PSG8: variants seen among roughly 807,000 people sequenced by gnomAD.
The protein encoded by PSG8 is pregnancy-specific beta-1-glycoprotein 8.
A neutral mutation model predicts 42.5 loss-of-function variants in PSG8; 57 were observed. That is an observed-to-expected ratio of 1.34 (90% CI 1.08 to 1.67). PSG8 has a LOEUF of 1.67. PSG8 is among the 40% of genes most tolerant of loss of function. PSG8 has a pLI of 0.00. For missense variants in PSG8, 783 were observed against 518.6 expected (o/e 1.51, Z -4.95); for synonymous variants, 280 against 196.8 (o/e 1.42, Z -3.54).
rs372083751 is a variant in PSG8 at position 42,755,039 on chromosome 19, T to G, written c.937A>C (p.Arg313=). The part of the protein sequence containing the change: ...NETGPYQCEI[R]DQYGGIRSYP... ...CTGCGGATGCCACCATATTGGTCCC[T>G]TATTTCACATTGATAGGGTCCTGTT... is the stretch of plus-strand genomic sequence containing the variant. Residue 313 remains arginine, a synonymous_variant, in exon 4 of 5, where the codon AGG becomes CGG. Coordinates refer to ENST00000306511, the MANE Select transcript of PSG8 (RefSeq NM_182707.3). 360 of 1,612,940 alleles carry G rather than the reference T, an allele frequency of 2.2e-4. 7 individuals are homozygous for G. Among genetic ancestry groups the G allele is most frequent in the Admixed American group, 5.3e-4 (32 of 59,982 alleles).
chr19:42,755,198 A>C lies in PSG8; in HGVS notation c.778T>G (p.Phe260Val), dbSNP rs894494535. The part of the protein sequence containing the change: ...KPRENKDVLN[F>V]TCEPKSENYT... ...TTCTCACTCTTAGGTTCACAGGTGA[A>C]GTTTAAGACATCCTTATTCTCCCTG... The change falls in exon 4 of 5, where the codon TTC (phenylalanine) becomes GTC (valine). Residue 260 changes from phenylalanine to valine, a missense_variant. Phe to Val is a conservative substitution (Grantham distance 50). Transcript: ENST00000306511. 1 of 1,611,824 alleles carries C rather than the reference A, an allele frequency of 6.2e-7. No homozygotes were observed. Among genetic ancestry groups the C allele is most frequent in the African/African-American group, 1.3e-5 (1 of 74,838 alleles).
intron 2 of PSG8, among the ~76,000 whole-genome samples, chr19:42,760,297 C>G (rs1970040620): frequency 1.3e-5 from 2 of 152,098 alleles, no homozygotes; most frequent in Non-Finnish European, 2.9e-5. Flanking sequence ...TCAGATAGCA[C>G]CCACCTGGCC....
In PSG8 at chr19:42,763,997, C is replaced by G. The variant is rs746544244; in HGVS notation, c.349G>C (p.Ala117Pro). Reference sequence around the variant, plus strand: ...ATGATGTGTAAGGTGTAGGATCCTGCGTCTTCCTGGGTGACATTCTGGATC... The same window carrying G: ...ATGATGTGTAAGGTGTAGGATCCTGGGTCTTCCTGGGTGACATTCTGGATC... ...LLIQNVTQED[A>P]GSYTLHIIMG... is the part of the protein sequence containing the mutation. Residue 117 changes from alanine (A) to proline (P), a missense_variant, in exon 2 of 5, where the codon GCA (alanine) becomes CCA (proline). Coordinates refer to ENST00000306511, the MANE Select transcript of PSG8 (RefSeq NM_182707.3). 6.2e-6 allele frequency: 10 copies of G among 1,611,160 alleles called. No homozygotes were observed. The highest frequency in any genetic ancestry group is 8.5e-6 in the Non-Finnish European group (10 of 1,178,954).
At chr19:42,755,333 A>T (rs1466917765) in intron 3 of PSG8, 67 bp from the exon 4 acceptor site, 5 of 1,581,934 alleles carry the variant, frequency 3.2e-6, no homozygotes, top group Admixed American at 3.5e-5. Flanking sequence ...GCATCCTTCA[A>T]TCAGAGTTGG....
chr19:42,765,422 C>T lies in PSG8; in HGVS notation c.64+96G>A, dbSNP rs188503558. ...CTGCCTCAGCCTCCCAAAGTGCTGG[C>T]TTCTTTCATTTTTTAGTACCCCATA... On this transcript the variant is annotated intron_variant, in intron 1 of 4. Coordinates refer to ENST00000306511, the MANE Select transcript of PSG8 (RefSeq NM_182707.3). 1.7e-4 allele frequency: 270 copies of T among 1,563,184 alleles called. 2 individuals carry two copies. In the African/African-American group the frequency reaches 3.5e-3, roughly 20 times the overall value.
chr19:42,758,171 C>T lies in PSG8; in HGVS notation c.540G>A (p.Trp180Ter). 1.2e-6 allele frequency: 2 copies of T among 1,614,022 alleles called. No individual in the cohort carries two copies. The highest frequency in any genetic ancestry group is 1.7e-5 in the Admixed American group (1 of 59,998). ...DPETPDASYL[W>*]WMNGQSLPMS... ...TAGGGAGGCTCTGACCATTCATCCA[C>T]CACAGGTAGCTTGCGTCCGGAGTCT... The change falls in exon 3 of 5, where the codon TGG becomes TGA. Residue 180 changes from tryptophan (W) to a stop codon, truncating the protein, a stop_gained. Coordinates refer to ENST00000306511, the MANE Select transcript of PSG8 (RefSeq NM_182707.3). LOFTEE classifies it high-confidence loss of function.
chr19:42,754,470 T>C lies in PSG8; in HGVS notation c.1106A>G (p.Asn369Ser), dbSNP rs542714417. ...NPPAQYSWTI[N>S]GKFQLSGQKL... ...TTGTCCTGATAGCTGAAACTTCCCATTAATTGTCCAAGAATACTGTGCCGG... is the reference window on the plus strand; with the variant it reads ...TTGTCCTGATAGCTGAAACTTCCCACTAATTGTCCAAGAATACTGTGCCGG... The change falls in exon 5 of 5, where the codon AAT (asparagine) becomes AGT (serine). Residue 369 changes from asparagine to serine, a missense_variant. Coordinates refer to ENST00000306511, the MANE Select transcript of PSG8 (RefSeq NM_182707.3). 1.9e-6 allele frequency: 3 copies of C among 1,613,898 alleles called. No homozygotes were observed. The East Asian group carries it at 6.7e-5, about 36-fold the overall frequency.
chr19:42,762,715 G>A lies in PSG8; in HGVS notation c.430+1201C>T, dbSNP rs371516923. Among the ~76,000 whole-genome samples, 30 of 152,092 alleles carry A rather than the reference G, an allele frequency of 2.0e-4. 1 individual carries two copies. Among genetic ancestry groups the A allele is most frequent in the Admixed American group, 8.5e-4 (13 of 15,274 alleles). On this transcript the variant is annotated intron_variant, in intron 2 of 4. Transcript: ENST00000306511. ...GATGGGGGCTAAGATCTGAGGGGGA[G>A]GCCTGGACATGTTTTTTCCACTGAC...
At chr19:42,765,222 A>G (rs1485764602) in intron 1 of PSG8, among the ~76,000 whole-genome samples, 5 of 149,376 alleles carry the variant, frequency 3.3e-5, no homozygotes, top group African/African-American at 7.5e-5. Context: ...GCACTATCTC[A>G]GCTAGCTGCA....
chr19:42,758,717 G>T (rs1279043816), intron 2 of PSG8: 15 of 199,064 alleles, frequency 7.5e-5, no homozygotes, highest in East Asian at 4.6e-4. Context: ...CCTAGAGATG[G>T]GTGATGGAAC....
intron 2 of PSG8, among the ~76,000 whole-genome samples, chr19:42,759,855 T>C (rs1284879714): frequency 6.6e-6 from 1 of 152,188 alleles, no homozygotes; most frequent in Non-Finnish European, 1.5e-5. Context: ...AGGTGTGCCA[T>C]GAATTCCAGC....
At position 42,764,240 on chromosome 19, in the gene PSG8, C is replaced by T; in HGVS notation, c.106G>A (p.Val36Ile). 6.2e-7 allele frequency: 1 copy of T among 1,613,708 alleles called. No individual in the cohort carries two copies. The highest frequency in any genetic ancestry group is 8.5e-7 in the Non-Finnish European group (1 of 1,179,792). ...NFWNPPTTAQ[V>I]TIEAQPTKVS... Reference sequence around the variant, plus strand: ...TTGGTTGGCTGGGCTTCAATCGTGACTTGGGCAGTCGTGGGTGGGTTCCAG... The same window carrying T: ...TTGGTTGGCTGGGCTTCAATCGTGATTTGGGCAGTCGTGGGTGGGTTCCAG... Residue 36 changes from valine to isoleucine, a missense_variant, in exon 2 of 5, where the codon GTC (valine) becomes ATC (isoleucine). Transcript: ENST00000306511.
rs149034646 is a variant in PSG8, at chr19:42,764,788, T to C, written c.65-507A>G. ...AGCGTGAGCTCCATGAGGACAGGGA[T>C]TTTTGTGATCTTGGTTGCACCCCAG... is the stretch of plus-strand genomic sequence containing the variant. On this transcript the variant is annotated intron_variant, in intron 1 of 4. Transcript: ENST00000306511. Among the ~76,000 whole-genome samples the C allele has an allele frequency of 9.4e-3, 1,428 of 152,166 alleles. 29 individuals are homozygous for C. Among genetic ancestry groups the C allele is most frequent in the African/African-American group, 0.033 (1,350 of 41,516 alleles).
rs768115204 is a variant in PSG8, at chr19:42,763,982, A to G, written c.364T>C (p.Leu122=). The change falls in exon 2 of 5, where the codon TTA becomes CTA. Residue 122 remains leucine (L), a synonymous_variant. Transcript: ENST00000306511. ...TCATCACCTCCCATTATGATGTGTAAGGTGTAGGATCCTGCGTCTTCCTGG... is the reference window on the plus strand; with the variant it reads ...TCATCACCTCCCATTATGATGTGTAGGGTGTAGGATCCTGCGTCTTCCTGG... ...VTQEDAGSYT[L]HIIMGGDENR... is the part of the protein sequence containing the mutation. 1.2e-6 allele frequency: 2 copies of G among 1,611,774 alleles called. No homozygotes were observed. Among genetic ancestry groups the G allele is most frequent in the Non-Finnish European group, 8.5e-7 (1 of 1,179,538 alleles).
chr19:42,760,048 C>T (rs1325498692), intron 2 of PSG8, among the ~76,000 whole-genome samples: 5 of 152,170 alleles, frequency 3.3e-5, no homozygotes, highest in Non-Finnish European at 5.9e-5. Flanking sequence ...GAACTCCCTG[C>T]TTCTAAATTC....
rs538631493 is a variant in PSG8, at chr19:42,755,320, C to T, written c.710-54G>A. ...CTGTGTGGCACCTTTGATTCCTCCACAGGCATCCTTCAATCAGAGTTGGCA... is the reference window on the plus strand; with the variant it reads ...CTGTGTGGCACCTTTGATTCCTCCATAGGCATCCTTCAATCAGAGTTGGCA... On this transcript the variant is annotated intron_variant, in intron 3 of 4. Coordinates refer to ENST00000306511, the MANE Select transcript of PSG8 (RefSeq NM_182707.3). 67 of 1,589,770 alleles carry T rather than the reference C, an allele frequency of 4.2e-5. No individual in the cohort carries two copies. The East Asian group carries it at 1.3e-3, about 31-fold the overall frequency.
At position 42,756,694 on chromosome 19, in the gene PSG8, C is replaced by T. The variant is rs139875828; in HGVS notation, c.709+1308G>A. On this transcript the variant is annotated intron_variant, in intron 3 of 4. Transcript: ENST00000306511. ...TGAATTCCATACTGGCCATGCCTCA[C>T]TCGTATATTTTTGAAGGCTTTGGGA... Among the ~76,000 whole-genome samples, 518 of 152,200 alleles carry T rather than the reference C, an allele frequency of 3.4e-3. 3 individuals are homozygous for T. The highest frequency in any genetic ancestry group is 0.012 in the African/African-American group (488 of 41,510).
chr19:42,762,630 C>T (rs147343189), intron 2 of PSG8, among the ~76,000 whole-genome samples: 2,477 of 152,056 alleles, frequency 0.016, 39 homozygotes, highest in African/African-American at 0.028. Flanking sequence ...AGGTCCTCTC[C>T]TTGATCCTCT....
chr19:42,758,277 T>C lies in PSG8; in HGVS notation c.434A>G (p.Glu145Gly), dbSNP rs558757365. ...GCTGGAGATGGAGGGCTTGGGAGTC[T>C]CCACTGTGCAGAAAACAGAGAGAAG... ...TGHFTFTLYL[E>G]TPKPSISSSK... is the part of the protein sequence containing the mutation. The change falls in exon 3 of 5, where the codon GAG becomes GGG. Residue 145 changes from glutamate (E) to glycine (G), a missense_variant. Transcript: ENST00000306511. The C allele has an allele frequency of 2.5e-6, 4 of 1,613,628 alleles. No individual in the cohort carries two copies. The highest frequency in any genetic ancestry group is 2.2e-5 in the South Asian group (2 of 91,040).
Sources: gnomAD v4.1 joint callset for allele counts (sites outside exome capture counted in the v4.1 genomes callset) on GRCh38, gnomAD v4.1.1 for gene constraint, MANE v1.5 for transcripts, NCBI Gene and HGNC (gene_info 2026-07-23, HGNC 2026-07-21) for gene names.